SLC30A9: variants seen among roughly 807,000 people sequenced by gnomAD.
The protein encoded by SLC30A9 is solute carrier family 30 member 9, also known as proton-coupled zinc antiporter SLC30A9, mitochondrial.
SLC30A9 carries 58 observed loss-of-function variants against 87.5 expected under a neutral mutation model. That is an observed-to-expected ratio of 0.66 (90% confidence interval 0.54 to 0.82). The LOEUF is 0.82. SLC30A9 is among the 40% of genes least tolerant of loss of function. The pLI, the probability that SLC30A9 is intolerant of heterozygous loss-of-function variation, is 0.00. For missense variants in SLC30A9, 557 were observed against 679.1 expected (o/e 0.82, Z 2.00); for synonymous variants, 234 against 233.0 (o/e 1.00, Z -0.04).
intron 8 of SLC30A9, among the ~76,000 whole-genome samples, chr4:42,045,923 A>G (rs1717132284): frequency 6.6e-6 from 1 of 152,174 alleles, no homozygotes; most frequent in Non-Finnish European, 1.5e-5. Context: ...CAACATATGC[A>G]TCAACATATG....
At chr4:42,082,215 T>TA (rs1718765076) in intron 17 of SLC30A9, among the ~76,000 whole-genome samples, 1 of 124,686 alleles carries the variant, frequency 8.0e-6, no homozygotes, top group African/African-American at 2.7e-5. Context: ...AGACTCCGTC[T>TA]CAAAAAAAAA....
rs543373360 is a variant in SLC30A9, at chr4:42,078,547, T to C, written c.1662+222T>C. 3.1e-5 allele frequency: 10 copies of C among 318,182 alleles called. No individual in the cohort carries two copies. The South Asian group carries it at 8.4e-4, about 27-fold the overall frequency. The allele number at this position is 318,182 out of a possible 1,614,324, so 19.7% of individuals were successfully genotyped here. A position where few individuals can be genotyped will look rare whatever the true frequency, so the allele number is the denominator to read the frequency against. ...TGTGATTTGAACCAGATTCTTTACT[T>C]TTAAACACTATTTTATGCAGCCTGC... On this transcript the variant is annotated intron_variant, in intron 17 of 17. Coordinates refer to ENST00000264451, the MANE Select transcript of SLC30A9 (RefSeq NM_006345.4).
At chr4:42,070,503 A>G (rs1577720753) in intron 14 of SLC30A9, 23 bp from the exon 15 acceptor site, 1 of 1,591,580 alleles carries the variant, frequency 6.3e-7, no homozygotes, top group African/African-American at 1.3e-5. Flanking sequence ...TAATTTACTG[A>G]TTTTTTTATG....
chr4:42,088,134 A>T lies in SLC30A9; in HGVS notation c.*2008A>T, dbSNP rs980886362. ...TCTTTTCTAATTCTGTTTTGCACTG[A>T]TAAACTTACATAAAGTTTGTTTATG... is the stretch of plus-strand genomic sequence containing the variant. On this transcript the variant is annotated 3_prime_UTR_variant, in exon 18 of 18. Coordinates refer to ENST00000264451, the MANE Select transcript of SLC30A9 (RefSeq NM_006345.4). 6.6e-6 allele frequency: 1 copy of T among 152,202 alleles called. No individual in the cohort carries two copies. The highest frequency in any genetic ancestry group is 1.5e-5 in the Non-Finnish European group (1 of 68,040). The allele number at this position is 152,202 out of a possible 1,614,324, so 9.4% of individuals were successfully genotyped here.
rs375750615 is a variant in SLC30A9 at position 42,063,005 on chromosome 4, C to T, written c.916C>T (p.Arg306Cys). The change falls in exon 11 of 18, where the codon CGC (arginine) becomes TGC (cysteine). Residue 306 changes from arginine (R) to cysteine (C), a missense_variant. Around this residue, in one of 2 missense-constraint regions of SLC30A9, gnomAD observed 467 missense variants for 529.8 expected, o/e 0.88. Coordinates refer to ENST00000264451, the MANE Select transcript of SLC30A9 (RefSeq NM_006345.4). ...TTTCAGGTACGGATTTTCAAATATG[C>T]GCTATATTTCTTCGCTAATTAGTGG... ...PSHPYGFSNMRYISSLISGVG... is the reference protein window; with the variant it reads ...PSHPYGFSNMCYISSLISGVG... 3.1e-5 allele frequency: 50 copies of T among 1,611,852 alleles called. No individual in the cohort carries two copies. The highest frequency in any genetic ancestry group is 8.0e-5 in the African/African-American group (6 of 74,842).
At chr4:42,085,425 T>C (rs1718891658) in intron 17 of SLC30A9, among the ~76,000 whole-genome samples, 1 of 152,230 alleles carries the variant, frequency 6.6e-6, no homozygotes, top group African/African-American at 2.4e-5. Flanking sequence ...GTACTTCAGT[T>C]TTCCCTGATG....
chr4:42,043,429 A>G (rs1300245127), intron 8 of SLC30A9, among the ~76,000 whole-genome samples: 1 of 152,210 alleles, frequency 6.6e-6, no homozygotes, highest in Non-Finnish European at 1.5e-5. Flanking sequence ...AGCATACACA[A>G]GTATCAATAG....
intron 8 of SLC30A9, among the ~76,000 whole-genome samples, chr4:42,048,077 G>A (rs773891761): frequency 6.6e-6 from 1 of 151,968 alleles, no homozygotes; most frequent in Non-Finnish European, 1.5e-5. Context: ...GGGCCTATTG[G>A]GGGGTGGGTG....
Position 42,020,519 on chromosome 4 carries a change from AT to A in SLC30A9, c.434+11del. The A allele has an allele frequency of 2.6e-6, 4 of 1,528,074 alleles. No homozygotes were observed. Among genetic ancestry groups the A allele is most frequent in the African/African-American group, 1.4e-5 (1 of 73,760 alleles). The allele number at this position is 1,528,074 out of a possible 1,614,324, so 94.7% of individuals were successfully genotyped here. On this transcript the variant is annotated splice_donor_5th_base_variant and intron_variant, in intron 4 of 17. Transcript: ENST00000264451. ...ATGAGTTCTGCCTCAAATCCAGGTA[AT>A]TTTTTTAAAAAATGTAGCCGTGTGT...
intron 2 of SLC30A9, among the ~76,000 whole-genome samples, chr4:42,003,543 C>T (rs987736008): frequency 2.0e-5 from 3 of 152,044 alleles, no homozygotes; most frequent in African/African-American, 4.8e-5. Flanking sequence ...TATCATTGTG[C>T]AGCTACTGTT....
intron 9 of SLC30A9, among the ~76,000 whole-genome samples, chr4:42,049,981 G>A (rs1717322675): frequency 6.6e-6 from 1 of 152,128 alleles, no homozygotes; most frequent in African/African-American, 2.4e-5. Context: ...AAATTTCTGT[G>A]TGTGCATCCT....
chr4:42,037,221 G>A (rs1716710970), intron 7 of SLC30A9, among the ~76,000 whole-genome samples: 1 of 132,754 alleles, frequency 7.5e-6, no homozygotes, highest in African/African-American at 2.7e-5. Flanking sequence ...AATCCTGTTT[G>A]CAAAAATTAA....
chr4:42,085,498 A>ATG, intron 17 of SLC30A9, among the ~76,000 whole-genome samples: 2 of 152,218 alleles, frequency 1.3e-5, no homozygotes. Context: ...ACATGTGCTC[A>ATG]TGTAACACAG....
intron 7 of SLC30A9, among the ~76,000 whole-genome samples, chr4:42,038,608 CCTTCT>C (rs1716786568): frequency 6.6e-6 from 1 of 152,146 alleles, no homozygotes; most frequent in Admixed American, 6.5e-5. Context: ...CTGTGTAGTT[CCTTCT>C]CTTAGCTCTG....
chr4:42,066,661 TA>T, intron 13 of SLC30A9, 40 bp downstream of exon 13: 1 of 1,377,718 alleles, frequency 7.3e-7, no homozygotes, highest in Non-Finnish European at 1.0e-6. Flanking sequence ...TCACCTCCCT[TA>T]TTTGCTTAAA....
intron 7 of SLC30A9, among the ~76,000 whole-genome samples, chr4:42,038,760 A>G (rs1055697751): frequency 2.6e-5 from 4 of 152,248 alleles, no homozygotes; most frequent in African/African-American, 9.6e-5. Context: ...AGTAGGCAGG[A>G]CATGAATTAC....
intron 6 of SLC30A9, among the ~76,000 whole-genome samples, chr4:42,028,222 A>G (rs948470486): frequency 1.3e-5 from 2 of 152,162 alleles, no homozygotes; most frequent in Non-Finnish European, 2.9e-5. Flanking sequence ...GGTTCAAGTG[A>G]TTCTCCTGCC....
intron 8 of SLC30A9, among the ~76,000 whole-genome samples, chr4:42,047,193 C>T (rs994133439): frequency 2.6e-5 from 4 of 152,104 alleles, no homozygotes; most frequent in African/African-American, 9.7e-5. Flanking sequence ...GACTTTCACA[C>T]CAAAAGCAAT....
intron 1 of SLC30A9, among the ~76,000 whole-genome samples, chr4:41,995,937 T>G (rs1186320728): frequency 6.6e-6 from 1 of 152,206 alleles, no homozygotes; most frequent in Non-Finnish European, 1.5e-5. Flanking sequence ...CTCAAACTCC[T>G]GAGCTCAAGC....
Sources: allele counts gnomAD v4.1 joint callset (sites outside exome capture counted in the v4.1 genomes callset), GRCh38; gene constraint gnomAD v4.1.1; regional missense constraint gnomAD v4.1.1; transcripts MANE v1.5; gene names NCBI Gene and HGNC (gene_info 2026-07-23, HGNC 2026-07-21).